Variants in CDC42EP3 observed in about 807,000 individuals in gnomAD.
CDC42EP3 encodes the protein CDC42 effector protein 3, also known as CDC42 effector protein (Rho GTPase binding) 3.
In CDC42EP3, 4 loss-of-function variants were observed where a neutral mutation model predicts 15.5. That is an observed-to-expected ratio of 0.26 (90% CI 0.13 to 0.59). The LOEUF (loss-of-function observed/expected upper bound fraction) is 0.59, where lower values mean the gene tolerates loss of function less well. Ranked by LOEUF, CDC42EP3 falls within the 20% of genes least tolerant of loss-of-function variation. The pLI is 0.89. For missense variants in CDC42EP3, 309 were observed against 311.2 expected, an observed-to-expected ratio of 0.99 and a Z score of 0.05; for synonymous variants, 145 against 130.3, an observed-to-expected ratio of 1.11 and a Z score of -0.77.
Position 37,644,003 on chromosome 2 carries a change from C to CTAT in CDC42EP3, c.*1817_*1819dup, listed in dbSNP as rs1665359476. 1 of 68,524 alleles carries CTAT rather than the reference C, an allele frequency of 1.5e-5. No individual in the cohort carries two copies. 4.2% of individuals were successfully genotyped at this position (68,524 alleles called of 1,614,324 possible). ...TTTTTTTTTTTTTTTTTGCAATTTT[C>CTAT]TATTTTTATTTTTTTAAGCTCATCA... On this transcript the variant is annotated 3_prime_UTR_variant, in exon 2 of 2. Transcript: ENST00000295324.
intron 1 of CDC42EP3, among the ~76,000 whole-genome samples, chr2:37,656,604 A>G (rs1328257632): frequency 6.6e-6 from 1 of 152,238 alleles, no homozygotes; most frequent in Non-Finnish European, 1.5e-5. Flanking sequence ...CATACCTCTT[A>G]GGAAGCAGTC....
chr2:37,648,566 G>A (rs117095615), intron 1 of CDC42EP3, among the ~76,000 whole-genome samples: 1 of 152,326 alleles, frequency 6.6e-6, no homozygotes, highest in East Asian at 1.9e-4. Flanking sequence ...ATGCACTAGA[G>A]AGAGCCAGCC....
At position 37,645,655 on chromosome 2, in the gene CDC42EP3, A is replaced by T; in HGVS notation, c.*168T>A. ...AGGTTTTGCTTTGTTGTTTTTTTCT[A>T]AATTGTTTTTGCAAACAGGGCATAA... On this transcript the variant is annotated 3_prime_UTR_variant, in exon 2 of 2. Transcript: ENST00000295324. The T allele has an allele frequency of 1.9e-6, 1 of 532,778 alleles. No homozygotes were observed. 33.0% of individuals were successfully genotyped at this position (532,778 alleles called of 1,614,324 possible). A position where few individuals can be genotyped will look rare whatever the true frequency, so the allele number is the denominator to read the frequency against.
chr2:37,665,087 T>C (rs1382097113), intron 1 of CDC42EP3, among the ~76,000 whole-genome samples: 1 of 151,656 alleles, frequency 6.6e-6, no homozygotes, highest in Non-Finnish European at 1.5e-5. Context: ...GGATTTCACC[T>C]TATGATCATG....
intron 1 of CDC42EP3, among the ~76,000 whole-genome samples, chr2:37,652,879 G>C (rs1273867893): frequency 6.6e-6 from 1 of 152,154 alleles, no homozygotes; most frequent in African/African-American, 2.4e-5. Context: ...TGGCTCTCTA[G>C]TTTTCTTGCA....
intron 1 of CDC42EP3, 73 bp downstream of exon 1, chr2:37,671,353 G>C (rs1394781163): frequency 6.6e-6 from 1 of 152,360 alleles, no homozygotes; most frequent in East Asian, 1.9e-4. Flanking sequence ...CACGCCGGAA[G>C]CGGCCACGGC....
chr2:37,659,759 C>A (rs1665997591), intron 1 of CDC42EP3, among the ~76,000 whole-genome samples: 1 of 152,156 alleles, frequency 6.6e-6, no homozygotes, highest in East Asian at 1.9e-4. Flanking sequence ...TACAAGGAAA[C>A]CTCAAGAAAC....
intron 1 of CDC42EP3, among the ~76,000 whole-genome samples, chr2:37,655,413 A>C (rs1325121536): frequency 6.6e-6 from 1 of 152,228 alleles, no homozygotes; most frequent in African/African-American, 2.4e-5. Flanking sequence ...AATTTGAAAG[A>C]TCTCTTAGAA....
At chr2:37,658,385 C>G (rs1410479073) in intron 1 of CDC42EP3, among the ~76,000 whole-genome samples, 2 of 152,252 alleles carry the variant, frequency 1.3e-5, no homozygotes, top group Admixed American at 1.3e-4. Flanking sequence ...GTGTGTGGCC[C>G]AAGCTCCATA....
chr2:37,661,748 G>A (rs1666063948), intron 1 of CDC42EP3, among the ~76,000 whole-genome samples: 1 of 152,156 alleles, frequency 6.6e-6, no homozygotes, highest in African/African-American at 2.4e-5. Context: ...AATTAGTGAT[G>A]TATGAGAGAA....
chr2:37,659,279 T>C (rs1025204022), intron 1 of CDC42EP3, among the ~76,000 whole-genome samples: 2 of 152,194 alleles, frequency 1.3e-5, no homozygotes, highest in Non-Finnish European at 2.9e-5. Context: ...CTATTGAAAA[T>C]GCAAGATGGA....
upstream of CDC42EP3, among the ~76,000 whole-genome samples, chr2:37,672,772 C>T (rs1270797497): frequency 6.6e-6 from 1 of 152,154 alleles, no homozygotes; most frequent in Non-Finnish European, 1.5e-5. Flanking sequence ...GGCCTCTGCC[C>T]TGAGACTCTC....
At chr2:37,658,856 CT>C (rs1665965173) in intron 1 of CDC42EP3, among the ~76,000 whole-genome samples, 1 of 151,854 alleles carries the variant, frequency 6.6e-6, no homozygotes, top group Non-Finnish European at 1.5e-5. Flanking sequence ...GTCCTTCCAC[CT>C]TATCTTCCAA....
Position 37,652,718 on chromosome 2 carries a change from C to T in CDC42EP3, c.-235-5896G>A, listed in dbSNP as rs551465908. 2.6e-5 allele frequency among the ~76,000 whole-genome samples: 4 copies of T among 151,368 alleles called. No individual in the cohort carries two copies. The East Asian group carries it at 7.8e-4, about 30-fold the overall frequency. ...TAGCTGAGACTACAGGTGCACAACA[C>T]CATTCCCAGCTAATTAAAAACAATT... On this transcript the variant is annotated intron_variant, in intron 1 of 1. Coordinates refer to ENST00000295324, the MANE Select transcript of CDC42EP3 (RefSeq NM_006449.5).
At position 37,643,082 on chromosome 2, in the gene CDC42EP3, C is replaced by A. The variant is rs1272978099; in HGVS notation, c.*2741G>T. On this transcript the variant is annotated 3_prime_UTR_variant, in exon 2 of 2. Transcript: ENST00000295324. ...TCTACTTATACAAATGGCATGGTTT[C>A]TTTTCTGGTTACTGGGTCACAGGTG... is the stretch of plus-strand genomic sequence containing the variant. 5 of 152,104 alleles carry A rather than the reference C, an allele frequency of 3.3e-5. No individual in the cohort carries two copies. Among genetic ancestry groups the A allele is most frequent in the Admixed American group, 1.3e-4 (2 of 15,280 alleles). The allele number at this position is 152,104 out of a possible 1,614,324, so 9.4% of individuals were successfully genotyped here. A position where few individuals can be genotyped will look rare whatever the true frequency, so the allele number is the denominator to read the frequency against.
rs1428066751 is a variant in CDC42EP3, at chr2:37,642,138, T to C, written c.*3685A>G. On this transcript the variant is annotated 3_prime_UTR_variant, in exon 2 of 2. Coordinates refer to ENST00000295324, the MANE Select transcript of CDC42EP3 (RefSeq NM_006449.5). ...AAACATTCTCAGATGAAAAGCTTGC[T>C]GGATGAAATAGTGCACCATCAGAAT... 8 of 152,246 alleles carry C rather than the reference T, an allele frequency of 5.3e-5. No homozygotes were observed. Among genetic ancestry groups the C allele is most frequent in the Non-Finnish European group, 1.0e-4 (7 of 68,046 alleles). The allele number at this position is 152,246 out of a possible 1,614,324, so 9.4% of individuals were successfully genotyped here.
chr2:37,647,837 C>A (rs79950561), intron 1 of CDC42EP3, among the ~76,000 whole-genome samples: 12,334 of 152,180 alleles, frequency 0.081, 578 homozygotes, highest in South Asian at 0.16. Flanking sequence ...TTACACTGTG[C>A]AAGGGCCTAT....
intron 1 of CDC42EP3, chr2:37,647,503 G>A (rs999417838): frequency 6.6e-6 from 1 of 152,224 alleles, no homozygotes; most frequent in Non-Finnish European, 1.5e-5. Flanking sequence ...TTCTGAGATG[G>A]GAGGAAATGA....
At chr2:37,663,090 G>A (rs550034967) in intron 1 of CDC42EP3, among the ~76,000 whole-genome samples, 1 of 152,278 alleles carries the variant, frequency 6.6e-6, no homozygotes, top group South Asian at 2.1e-4. Context: ...TCTTGAACCC[G>A]GGAGGCAGAG....
Sources: gnomAD v4.1 joint callset for allele counts (sites outside exome capture counted in the v4.1 genomes callset) on GRCh38, gnomAD v4.1.1 for gene constraint, MANE v1.5 for transcripts, NCBI Gene and HGNC (gene_info 2026-07-23, HGNC 2026-07-21) for gene names.